HMBOX1: variants seen among roughly 807,000 people sequenced by gnomAD.
HMBOX1 encodes the protein homeobox containing 1, also known as homeobox-containing protein 1.
HMBOX1 carries 14 observed loss-of-function variants against 54.5 expected under a neutral mutation model. The ratio of observed to expected loss-of-function variants is 0.26; its 90% confidence interval spans 0.17 to 0.40. The LOEUF is 0.40. HMBOX1 is among the 10% of genes least tolerant of loss of function. The pLI is 1.00. For missense variants in HMBOX1, 332 were observed against 514.4 expected (o/e 0.65, Z 3.43); for synonymous variants, 160 against 181.0 (o/e 0.88, Z 0.93).
chr8:29,049,325 G>C, intron 9 of HMBOX1: 2 of 1,534,552 alleles, frequency 1.3e-6, no homozygotes, highest in Non-Finnish European at 1.7e-6. Flanking sequence ...AGGAGGAGGA[G>C]GGAAGAAGTT....
chr8:28,893,645 C>T (rs969542076), intron 1 of HMBOX1, among the ~76,000 whole-genome samples: 3 of 152,164 alleles, frequency 2.0e-5, no homozygotes, highest in African/African-American at 7.2e-5. Context: ...AACTTAATAG[C>T]TCAGTGTTCC....
At chr8:28,950,431 A>G (rs188530819) in intron 1 of HMBOX1, among the ~76,000 whole-genome samples, 4 of 152,370 alleles carry the variant, frequency 2.6e-5, no homozygotes, top group African/African-American at 9.6e-5. Context: ...TAAGAATGGA[A>G]TAGGTTCACA....
chr8:28,991,906 T>C (rs891297465), intron 4 of HMBOX1, among the ~76,000 whole-genome samples: 4 of 152,220 alleles, frequency 2.6e-5, no homozygotes, highest in Admixed American at 2.6e-4. Flanking sequence ...CTATAACTTA[T>C]TTAACACTAT....
At chr8:28,916,987 C>T (rs201433513) in intron 1 of HMBOX1, among the ~76,000 whole-genome samples, 14 of 150,774 alleles carry the variant, frequency 9.3e-5, no homozygotes, top group Admixed American at 4.0e-4. Flanking sequence ...GGAACACTTG[C>T]GCCCAGGAGG....
intron 5 of HMBOX1, among the ~76,000 whole-genome samples, chr8:29,018,050 G>A (rs995956421): frequency 1.3e-5 from 2 of 152,294 alleles, no homozygotes; most frequent in Middle Eastern, 3.4e-3. Flanking sequence ...GAATTTAACA[G>A]TGTAAGGAGT....
intron 1 of HMBOX1, among the ~76,000 whole-genome samples, chr8:28,892,876 T>A (rs570637405): frequency 1.3e-5 from 2 of 152,322 alleles, no homozygotes; most frequent in South Asian, 4.1e-4. Flanking sequence ...AACACTACTT[T>A]GCAAAAACCA....
At chr8:28,912,904 C>G (rs544175157) in intron 1 of HMBOX1, among the ~76,000 whole-genome samples, 4 of 152,244 alleles carry the variant, frequency 2.6e-5, no homozygotes, top group Admixed American at 6.5e-5. Flanking sequence ...AAAAAACATA[C>G]TTAAGTTTTC....
intron 7 of HMBOX1, among the ~76,000 whole-genome samples, 155 bp downstream of exon 7, chr8:29,045,598 A>C (rs1270678337): frequency 6.6e-6 from 1 of 152,236 alleles, no homozygotes; most frequent in Non-Finnish European, 1.5e-5. Context: ...TGTCCTGCTC[A>C]CACAGTACTT....
chr8:28,914,034 C>G (rs1335224133), intron 1 of HMBOX1, among the ~76,000 whole-genome samples: 1 of 151,918 alleles, frequency 6.6e-6, no homozygotes, highest in African/African-American at 2.4e-5. Flanking sequence ...CCACATCCGG[C>G]TAATTTCTGT....
chr8:29,043,225 C>G (rs1195973397), intron 6 of HMBOX1, among the ~76,000 whole-genome samples: 1 of 152,204 alleles, frequency 6.6e-6, no homozygotes, highest in Non-Finnish European at 1.5e-5. Context: ...TTCTCTATGC[C>G]CAGAGTCCTC....
intron 6 of HMBOX1, chr8:29,042,811 G>A (rs1278008260): frequency 7.3e-6 from 3 of 412,924 alleles, no homozygotes; most frequent in Non-Finnish European, 1.5e-5. Context: ...TAAGAAATGA[G>A]AGGTGAAGCC....
intron 1 of HMBOX1, among the ~76,000 whole-genome samples, chr8:28,962,943 G>C (rs1044763445): frequency 2.0e-5 from 3 of 152,032 alleles, no homozygotes; most frequent in Admixed American, 2.0e-4. Context: ...CTCATATTTA[G>C]TTCTTGTGTC....
chr8:29,003,084 CT>C (rs11408114), intron 4 of HMBOX1, among the ~76,000 whole-genome samples: 14,741 of 145,152 alleles, frequency 0.1, 936 homozygotes, highest in Middle Eastern at 0.17. Flanking sequence ...ACAGTCTTGT[CT>C]TTTTTTTTTT....
intron 4 of HMBOX1, among the ~76,000 whole-genome samples, chr8:28,999,290 T>C (rs1242173804): frequency 6.6e-6 from 1 of 152,174 alleles, no homozygotes; most frequent in Non-Finnish European, 1.5e-5. Context: ...ATGTAATGGG[T>C]CACTTCTCTC....
intron 2 of HMBOX1, 35 bp downstream of exon 2, chr8:28,963,925 C>T (rs762904827): frequency 6.6e-7 from 1 of 1,521,430 alleles, no homozygotes; most frequent in South Asian, 1.1e-5. Context: ...TTTATCTTCA[C>T]AATCATTTTA....
Position 28,898,240 on chromosome 8 carries a change from T to G in HMBOX1, c.-58+7562T>G, listed in dbSNP as rs202219000. ...TTGTCAATACTGTGATAATTTCTAT[T>G]AAAAAAAGACAAAGTTTAATTTGTT... On this transcript the variant is annotated intron_variant, in intron 1 of 9. Transcript: ENST00000287701. Among the ~76,000 whole-genome samples the G allele has an allele frequency of 6.8e-3, 1,028 of 151,984 alleles. 14 individuals carry two copies. Among genetic ancestry groups the G allele is most frequent in the East Asian group, 0.055 (287 of 5,174 alleles).
intron 1 of HMBOX1, among the ~76,000 whole-genome samples, chr8:28,950,412 G>C (rs919281035): frequency 1.1e-4 from 16 of 152,340 alleles, no homozygotes; most frequent in Middle Eastern, 3.4e-3. Flanking sequence ...CATTTGTACT[G>C]TAATTCAGTA....
intron 5 of HMBOX1, among the ~76,000 whole-genome samples, chr8:29,014,349 C>T (rs1403188675): frequency 6.6e-6 from 1 of 152,094 alleles, no homozygotes; most frequent in Non-Finnish European, 1.5e-5. Context: ...CTGTATTTTA[C>T]TTCAGAGGAG....
intron 1 of HMBOX1, among the ~76,000 whole-genome samples, chr8:28,909,598 T>G (rs189812300): frequency 6.6e-6 from 1 of 152,194 alleles, no homozygotes; most frequent in Admixed American, 6.5e-5. Context: ...ATTGCTAAGC[T>G]GAAGAGTTGT....
Sources: allele counts gnomAD v4.1 joint callset (sites outside exome capture counted in the v4.1 genomes callset), GRCh38; gene constraint gnomAD v4.1.1; transcripts MANE v1.5; gene names NCBI Gene and HGNC (gene_info 2026-07-23, HGNC 2026-07-21).